Variants in CHRM3 observed in about 807,000 individuals in gnomAD.
CHRM3 encodes the protein muscarinic acetylcholine receptor M3.
Under a neutral mutation model 41.8 loss-of-function variants are expected in CHRM3, and 11 were observed. The ratio of observed to expected loss-of-function variants is 0.26; its 90% CI spans 0.17 to 0.44. The LOEUF (loss-of-function observed/expected upper bound fraction) is 0.44, where lower values mean the gene tolerates loss of function less well. Among genes scored for constraint, CHRM3 ranks in the 20% least tolerant of loss-of-function variants. CHRM3 has a pLI of 1.00. For synonymous variants in CHRM3, 297 were observed against 301.4 expected, an observed-to-expected ratio of 0.99 and a Z score of 0.15; for missense variants, 571 against 745.4, an observed-to-expected ratio of 0.77 and a Z score of 2.72.
At chr1:239,623,483 G>GT (rs34689648) in intron 3 of CHRM3, among the ~76,000 whole-genome samples, 34,426 of 133,052 alleles carry the variant, frequency 0.26, 5,109 homozygotes, top group Middle Eastern at 0.5. Context: ...TGGTGTATAA[G>GT]TTTTTTTTTT....
At chr1:239,707,878 A>G (rs570527690) in intron 5 of CHRM3, 1 of 152,354 alleles carries the variant, frequency 6.6e-6, no homozygotes, top group African/African-American at 2.4e-5. Context: ...AATATAGAAG[A>G]GTATTGGGCC....
At chr1:239,710,384 T>G (rs1661650373) in intron 5 of CHRM3, among the ~76,000 whole-genome samples, 1 of 152,186 alleles carries the variant, frequency 6.6e-6, no homozygotes, top group African/African-American at 2.4e-5. Flanking sequence ...ATATTTTGTA[T>G]AATCTTATTA....
intron 3 of CHRM3, among the ~76,000 whole-genome samples, chr1:239,598,423 A>C (rs539954054): frequency 6.6e-6 from 1 of 152,268 alleles, no homozygotes; most frequent in African/African-American, 2.4e-5. Flanking sequence ...TGGGCTCAGG[A>C]GACCTTGATT....
intron 5 of CHRM3, among the ~76,000 whole-genome samples, chr1:239,716,913 T>C (rs1289165897): frequency 6.6e-6 from 1 of 152,072 alleles, no homozygotes; most frequent in Non-Finnish European, 1.5e-5. Flanking sequence ...AATAGTTTGT[T>C]TTGATTTTAA....
At chr1:239,827,399 T>C (rs1197563149) in intron 6 of CHRM3, 21 bp downstream of exon 6, 1 of 152,236 alleles carries the variant, frequency 6.6e-6, no homozygotes, top group East Asian at 1.9e-4. Flanking sequence ...AGAAGGCATT[T>C]TTTTAATTAA....
chr1:239,843,628 C>T (rs1010577782), intron 6 of CHRM3, among the ~76,000 whole-genome samples: 1 of 151,870 alleles, frequency 6.6e-6, no homozygotes, highest in Non-Finnish European at 1.5e-5. Flanking sequence ...TTTCATTACT[C>T]TAATAGAAAA....
At chr1:239,740,256 A>G (rs1046919717) in intron 5 of CHRM3, among the ~76,000 whole-genome samples, 2 of 152,282 alleles carry the variant, frequency 1.3e-5, no homozygotes, top group African/African-American at 4.8e-5. Flanking sequence ...TAAGAAAACT[A>G]TTGTCTTTTA....
intron 2 of CHRM3, among the ~76,000 whole-genome samples, chr1:239,513,043 T>C (rs1669026957): frequency 6.6e-6 from 1 of 152,152 alleles, no homozygotes; most frequent in African/African-American, 2.4e-5. Flanking sequence ...TTAAGAGAGA[T>C]TTTACATCGT....
At chr1:239,690,965 C>G (rs914201544) in intron 5 of CHRM3, among the ~76,000 whole-genome samples, 1 of 151,914 alleles carries the variant, frequency 6.6e-6, no homozygotes, top group Non-Finnish European at 1.5e-5. Context: ...ACCCCAGCTG[C>G]GGGTAGCAGA....
intron 1 of CHRM3, among the ~76,000 whole-genome samples, chr1:239,416,788 C>A (rs1330072106): frequency 6.6e-6 from 1 of 152,144 alleles, no homozygotes; most frequent in Non-Finnish European, 1.5e-5. Flanking sequence ...AGATGCCTGC[C>A]AGCCAGTAAG....
intron 1 of CHRM3, among the ~76,000 whole-genome samples, chr1:239,465,431 G>A (rs1380708722): frequency 3.3e-5 from 5 of 152,216 alleles, no homozygotes; most frequent in Non-Finnish European, 7.3e-5. Context: ...AAAGAGTCTT[G>A]AATGATAGGG....
At chr1:239,858,484 G>A (rs1675301449) in intron 6 of CHRM3, among the ~76,000 whole-genome samples, 1 of 147,778 alleles carries the variant, frequency 6.8e-6, no homozygotes, top group African/African-American at 2.5e-5. Flanking sequence ...CCTGAAGCAA[G>A]TGTCTTAACC....
At chr1:239,639,795 A>G (rs1241616196) in intron 4 of CHRM3, among the ~76,000 whole-genome samples, 1 of 149,110 alleles carries the variant, frequency 6.7e-6, no homozygotes, top group South Asian at 2.2e-4. Flanking sequence ...AACTTCCAAC[A>G]CTATGTTGAA....
chr1:239,806,421 C>T (rs1670653079), intron 5 of CHRM3, among the ~76,000 whole-genome samples: 1 of 151,332 alleles, frequency 6.6e-6, no homozygotes, highest in Non-Finnish European at 1.5e-5. Context: ...TGGAGTTACA[C>T]ACACACACAC....
intron 2 of CHRM3, among the ~76,000 whole-genome samples, chr1:239,536,341 C>T (rs1168531500): frequency 6.6e-6 from 1 of 152,198 alleles, no homozygotes; most frequent in African/African-American, 2.4e-5. Context: ...TGGCTACAGT[C>T]ATCCTCCTCC....
intron 4 of CHRM3, among the ~76,000 whole-genome samples, chr1:239,657,570 C>T (rs1346041307): frequency 3.3e-5 from 5 of 152,228 alleles, no homozygotes; most frequent in African/African-American, 1.2e-4. Flanking sequence ...AACTCTTCCA[C>T]AAGGTTGCTA....
rs1445774738 is a variant in CHRM3, at chr1:239,915,356, G to A, written c.*6132G>A. On this transcript the variant is annotated 3_prime_UTR_variant, in exon 7 of 7. Transcript: ENST00000676153. ...TTAATCTTGAAAAAGTCAATCGTCT[G>A]TAGTCTGTACTATAAAATGATGCCT... The A allele has an allele frequency of 2.4e-5, 4 of 167,048 alleles. No individual in the cohort carries two copies. The highest frequency in any genetic ancestry group is 2.1e-4 in the South Asian group (1 of 4,832). The allele number at this position is 167,048 out of a possible 1,614,324, so 10.3% of individuals were successfully genotyped here. A position where few individuals can be genotyped will look rare whatever the true frequency, so the allele number is the denominator to read the frequency against.
intron 5 of CHRM3, among the ~76,000 whole-genome samples, chr1:239,680,114 C>T (rs1325367614): frequency 2.0e-5 from 3 of 152,262 alleles, no homozygotes; most frequent in East Asian, 1.9e-4. Context: ...ATCACTTCCT[C>T]ATCTCACCAC....
At chr1:239,439,163 T>C (rs887068165) in intron 1 of CHRM3, among the ~76,000 whole-genome samples, 5 of 152,202 alleles carry the variant, frequency 3.3e-5, no homozygotes, top group Admixed American at 2.6e-4. Context: ...CAGAGATTCC[T>C]CTGAAGGTCT....
Sources: gnomAD v4.1 joint callset for allele counts (sites outside exome capture counted in the v4.1 genomes callset) on GRCh38, gnomAD v4.1.1 for gene constraint, MANE v1.5 for transcripts, NCBI Gene and HGNC (gene_info 2026-07-23, HGNC 2026-07-21) for gene names.